Variants in CCSER2 observed in about 807,000 individuals in gnomAD.
CCSER2 encodes serine-rich coiled-coil domain-containing protein 2.
Under a neutral mutation model 92.3 loss-of-function variants are expected in CCSER2, and 46 were observed. That is an observed-to-expected ratio of 0.50 (90% confidence interval 0.39 to 0.64). The LOEUF (loss-of-function observed/expected upper bound fraction) is 0.64, where lower values mean the gene tolerates loss of function less well. Among genes scored for constraint, CCSER2 ranks in the 30% least tolerant of loss-of-function variants. The pLI is 0.00. For missense variants in CCSER2, 1,244 were observed against 1,238.9 expected (o/e 1.00, Z -0.06); for synonymous variants, 433 against 431.4 (o/e 1.00, Z -0.04).
intron 6 of CCSER2, among the ~76,000 whole-genome samples, chr10:84,460,450 ACTGTCTTTGT>A (rs1040936493): frequency 1.3e-3 from 194 of 151,936 alleles, no homozygotes; most frequent in African/African-American, 4.4e-3. Context: ...GTCTTCTTAT[ACTGTCTTTGT>A]TTTAGTATCA....
chr10:84,375,817 A>G (rs1373822031), intron 3 of CCSER2, among the ~76,000 whole-genome samples: 1 of 142,030 alleles, frequency 7.0e-6, no homozygotes, highest in African/African-American at 2.6e-5. Flanking sequence ...CTGCCATCTT[A>G]TTATTTTTAT....
At chr10:84,422,889 A>G (rs1050477572) in intron 4 of CCSER2, among the ~76,000 whole-genome samples, 1 of 152,046 alleles carries the variant, frequency 6.6e-6, no homozygotes, top group African/African-American at 2.4e-5. Context: ...CCCCTTCTCT[A>G]CTAAAAACAG....
chr10:84,493,409 T>G (rs547658537), intron 9 of CCSER2, among the ~76,000 whole-genome samples: 1 of 152,350 alleles, frequency 6.6e-6, no homozygotes, highest in South Asian at 2.1e-4. Flanking sequence ...AACATTTTGT[T>G]TTCTTGATTT....
chr10:84,441,876 C>G (rs944332182), intron 6 of CCSER2, among the ~76,000 whole-genome samples: 1 of 150,388 alleles, frequency 6.6e-6, no homozygotes, highest in East Asian at 2.0e-4. Flanking sequence ...CCTGCCTCAG[C>G]CTCCCTAGTA....
intron 3 of CCSER2, among the ~76,000 whole-genome samples, chr10:84,416,192 T>A (rs555399720): frequency 6.6e-6 from 1 of 152,086 alleles, no homozygotes; most frequent in South Asian, 2.1e-4. Context: ...AGGTTGGGGG[T>A]TCCTTTGGCT....
chr10:84,420,932 C>CAAAA (rs59244448), intron 4 of CCSER2, among the ~76,000 whole-genome samples: 4 of 84,832 alleles, frequency 4.7e-5, no homozygotes, highest in South Asian at 4.1e-4. Context: ...GACTCCATCT[C>CAAAA]AAAAAAAAAA....
intron 5 of CCSER2, among the ~76,000 whole-genome samples, chr10:84,436,664 G>C (rs1009980778): frequency 6.7e-6 from 1 of 150,328 alleles, no homozygotes; most frequent in African/African-American, 2.4e-5. Context: ...GAAGTCACTA[G>C]TCACTGCGGG....
chr10:84,382,517 A>G (rs1840969430), intron 3 of CCSER2, among the ~76,000 whole-genome samples: 1 of 152,132 alleles, frequency 6.6e-6, no homozygotes, highest in Non-Finnish European at 1.5e-5. Flanking sequence ...AGGCAAAAAC[A>G]TTTTTTTCTC....
At chr10:84,440,195 G>C (rs1002597898) in intron 6 of CCSER2, among the ~76,000 whole-genome samples, 1 of 152,160 alleles carries the variant, frequency 6.6e-6, no homozygotes, top group African/African-American at 2.4e-5. Flanking sequence ...GTGTAAAGTT[G>C]TAAATCTCTT....
At chr10:84,431,477 A>G (rs1843759339) in intron 5 of CCSER2, among the ~76,000 whole-genome samples, 1 of 152,142 alleles carries the variant, frequency 6.6e-6, no homozygotes, top group Non-Finnish European at 1.5e-5. Flanking sequence ...GCAGTGGCTC[A>G]TGCCTGCAGT....
At chr10:84,457,719 A>G (rs911588378) in intron 6 of CCSER2, among the ~76,000 whole-genome samples, 1 of 112,124 alleles carries the variant, frequency 8.9e-6, no homozygotes, top group South Asian at 2.6e-4. Context: ...TTATATATAA[A>G]TATATAAAAT....
chr10:84,458,860 G>A (rs920944278), intron 6 of CCSER2, among the ~76,000 whole-genome samples: 1 of 151,578 alleles, frequency 6.6e-6, no homozygotes, highest in African/African-American at 2.4e-5. Flanking sequence ...TGTTATTTTG[G>A]ATTTTTTTCC....
chr10:84,372,506 T>G (rs1446013531), intron 2 of CCSER2, 37 bp downstream of exon 2: 1 of 1,161,784 alleles, frequency 8.6e-7, no homozygotes, highest in Non-Finnish European at 1.2e-6. Flanking sequence ...TTGCTTTCTT[T>G]TAAATAATAT....
At chr10:84,443,779 T>C (rs925157784) in intron 6 of CCSER2, among the ~76,000 whole-genome samples, 1 of 152,156 alleles carries the variant, frequency 6.6e-6, no homozygotes, top group African/African-American at 2.4e-5. Flanking sequence ...AAAGAAAATG[T>C]GGCATATATA....
At position 84,371,409 on chromosome 10, in the gene CCSER2, A is replaced by G. The variant is rs767102779; in HGVS notation, c.357A>G (p.Leu119=). The G allele has an allele frequency of 6.2e-7, 1 of 1,613,502 alleles. No homozygotes were observed. Residue 119 remains leucine, a synonymous_variant, in exon 2 of 10, where the codon TTA becomes TTG. Transcript: ENST00000372088. Reference sequence around the variant, plus strand: ...AGGGAGGTTTGAAAAGTGTTTCTTTATTCACATCAAAGTTAGCAAAGCCAT... The same window carrying G: ...AGGGAGGTTTGAAAAGTGTTTCTTTGTTCACATCAAAGTTAGCAAAGCCAT... ...GIKGGLKSVS[L]FTSKLAKPST... is the part of the protein sequence containing the mutation.
chr10:84,457,292 A>ATAATATT (rs1564684794), intron 6 of CCSER2, among the ~76,000 whole-genome samples: 4 of 75,800 alleles, frequency 5.3e-5, no homozygotes, highest in Non-Finnish European at 6.9e-5. Flanking sequence ...TATATTATAT[A>ATAATATT]TTATATATAA....
Position 84,371,933 on chromosome 10 carries a change from A to T in CCSER2, c.881A>T (p.Tyr294Phe). The T allele has an allele frequency of 6.2e-7, 1 of 1,613,836 alleles. No individual in the cohort carries two copies. Among genetic ancestry groups the T allele is most frequent in the East Asian group, 2.2e-5 (1 of 44,868 alleles). ...TTGGGGTATGGATTTAATAGGCCTT[A>T]TGCTGCTGGTGGAAAGAAGTTGGCT... is the stretch of plus-strand genomic sequence containing the variant. ...EHLGYGFNRP[Y>F]AAGGKKLALP... is the part of the protein sequence containing the mutation. Residue 294 changes from tyrosine to phenylalanine, a missense_variant, in exon 2 of 10, where the codon TAT becomes TTT. Coordinates refer to ENST00000372088, the MANE Select transcript of CCSER2 (RefSeq NM_001284240.2).
At chr10:84,472,627 A>G (rs913854604) in intron 8 of CCSER2, among the ~76,000 whole-genome samples, 4 of 152,202 alleles carry the variant, frequency 2.6e-5, no homozygotes, top group Admixed American at 2.6e-4. Context: ...CATCAAAAAT[A>G]TTAGGATTGC....
rs138974134 is a variant in CCSER2 at position 84,340,412 on chromosome 10, A to C, written c.-40+11604A>C. Among the ~76,000 whole-genome samples the C allele has an allele frequency of 7.0e-4, 106 of 152,334 alleles. 1 individual carries two copies. Among genetic ancestry groups the C allele is most frequent in the Non-Finnish European group, 1.3e-3 (89 of 68,028 alleles). On this transcript the variant is annotated intron_variant, in intron 1 of 9. Transcript: ENST00000372088. ...GCAAATAATTATCCAATGTTGACCC[A>C]GTTTTGATTGACCCATTTGGTTGGG... is the stretch of plus-strand genomic sequence containing the variant.
Sources: gnomAD v4.1 joint callset for allele counts (sites outside exome capture counted in the v4.1 genomes callset) on GRCh38, gnomAD v4.1.1 for gene constraint, MANE v1.5 for transcripts, NCBI Gene and HGNC (gene_info 2026-07-23, HGNC 2026-07-21) for gene names.